The following CHCHD2 variants were observed in gnomAD, a reference collection of about 807,000 sequenced individuals.
CHCHD2 encodes coiled-coil-helix-coiled-coil-helix domain containing 2.
CHCHD2 carries 17 observed loss-of-function variants against 17.5 expected under a neutral mutation model. The ratio of observed to expected loss-of-function variants is 0.97; its 90% CI spans 0.67 to 1.46. The LOEUF is 1.46. CHCHD2 is among the 40% of genes most tolerant of loss of function. The probability of loss-of-function intolerance (pLI) is 0.00; values close to 1 mark genes in which losing one functional copy is unlikely to be tolerated. For missense variants in CHCHD2, 175 were observed against 199.9 expected, an observed-to-expected ratio of 0.88 and a Z score of 0.75; for synonymous variants, 63 against 74.3, an observed-to-expected ratio of 0.85 and a Z score of 0.78.
rs1252461520 is a variant in CHCHD2, at chr7:56,106,456, C to G, written c.-43G>C. The G allele has an allele frequency of 6.2e-6, 10 of 1,601,496 alleles. No individual in the cohort carries two copies. Among genetic ancestry groups the G allele is most frequent in the Non-Finnish European group, 8.6e-6 (10 of 1,169,204 alleles). On this transcript the variant is annotated 5_prime_UTR_variant, in exon 1 of 4. Coordinates refer to ENST00000395422, the MANE Select transcript of CHCHD2 (RefSeq NM_016139.4). ...TAGGCCTCCGGACGTGGGACAACCACCGAAGAGCTAAGCGACTTCTGAGGA... is the reference window on the plus strand; with the variant it reads ...TAGGCCTCCGGACGTGGGACAACCAGCGAAGAGCTAAGCGACTTCTGAGGA...
rs1226311511 is a variant in CHCHD2, at chr7:56,104,467, G to A, written c.59C>T (p.Pro20Leu). 3.2e-6 allele frequency: 5 copies of A among 1,572,598 alleles called. No individual in the cohort carries two copies. Among genetic ancestry groups the A allele is most frequent in the South Asian group, 1.1e-5 (1 of 87,352 alleles). Residue 20 changes from proline to leucine, a missense_variant, in exon 2 of 4, where the codon CCT becomes CTT. Physicochemically the swap from Pro to Leu is moderately conservative, Grantham distance 98. Coordinates refer to ENST00000395422, the MANE Select transcript of CHCHD2 (RefSeq NM_016139.4). ...TGGCCTGGGTGCAGCTCTCATCTGA[G>A]GGGCCCGGCTGTGAAAGAAAAGAAA... ...SRMAPPASRA[P>L]QMRAAPRPAP...
intron 3 of CHCHD2, among the ~76,000 whole-genome samples, chr7:56,102,345 CTTCT>C (rs1562887786): frequency 8.8e-6 from 1 of 113,884 alleles, no homozygotes; most frequent in Non-Finnish European, 1.8e-5. Context: ...TGATTTATAC[CTTCT>C]TTTTTTTTTT....
rs1785389968 is a variant in CHCHD2, at chr7:56,106,476, T to C, written c.-63A>G. 4 of 1,526,554 alleles carry C rather than the reference T, an allele frequency of 2.6e-6. No individual in the cohort carries two copies. The African/African-American group carries it at 5.5e-5, about 21-fold the overall frequency. The allele number at this position is 1,526,554 out of a possible 1,614,324, so 94.6% of individuals were successfully genotyped here. On this transcript the variant is annotated 5_prime_UTR_variant, in exon 1 of 4. Transcript: ENST00000395422. Reference sequence around the variant, plus strand: ...AACCACCGAAGAGCTAAGCGACTTCTGAGGAGACCGGAAGATGGGAGGCGG... The same window carrying C: ...AACCACCGAAGAGCTAAGCGACTTCCGAGGAGACCGGAAGATGGGAGGCGG...
chr7:56,104,571 G>T, intron 1 of CHCHD2, 96 bp from the exon 2 acceptor site: 4 of 1,247,512 alleles, frequency 3.2e-6, no homozygotes, highest in Non-Finnish European at 3.2e-6. Flanking sequence ...TGGACCTCAA[G>T]ATTTTCATTT....
chr7:56,102,813 G>A (rs1161120754), intron 3 of CHCHD2, 54 bp downstream of exon 3: 19 of 1,585,684 alleles, frequency 1.2e-5, no homozygotes, highest in Non-Finnish European at 1.6e-5. Context: ...AGTTCTACAG[G>A]ATCCAGGAAT....
intron 1 of CHCHD2, among the ~76,000 whole-genome samples, chr7:56,105,704 T>C (rs916082378): frequency 6.6e-6 from 1 of 152,168 alleles, no homozygotes; most frequent in African/African-American, 2.4e-5. Context: ...CGTGGTAGAA[T>C]AGCTTGAGCC....
In CHCHD2 at chr7:56,104,461, A is replaced by G. The variant is rs757118379; in HGVS notation, c.65T>C (p.Met22Thr). 2 of 1,586,342 alleles carry G rather than the reference A, an allele frequency of 1.3e-6. No homozygotes were observed. Among genetic ancestry groups the G allele is most frequent in the Non-Finnish European group, 1.7e-6 (2 of 1,160,568 alleles). Residue 22 changes from methionine to threonine, a missense_variant, in exon 2 of 4, where the codon ATG becomes ACG. By Grantham distance (81) the Met-to-Thr change is moderately conservative. Coordinates refer to ENST00000395422, the MANE Select transcript of CHCHD2 (RefSeq NM_016139.4). Reference protein sequence around the residue: ...MAPPASRAPQMRAAPRPAPVA... With the variant: ...MAPPASRAPQTRAAPRPAPVA... ...TGGTGCTGGCCTGGGTGCAGCTCTC[A>G]TCTGAGGGGCCCGGCTGTGAAAGAA...
chr7:56,104,145 C>T, intron 2 of CHCHD2, 81 bp downstream of exon 2: 2 of 1,559,410 alleles, frequency 1.3e-6, no homozygotes, highest in South Asian at 1.1e-5. Flanking sequence ...AAAGACAATT[C>T]CTACACTTAA....
At chr7:56,103,557 G>A (rs1050794063) in intron 2 of CHCHD2, among the ~76,000 whole-genome samples, 7 of 152,206 alleles carry the variant, frequency 4.6e-5, no homozygotes, top group African/African-American at 1.7e-4. Context: ...GCCTCCCAAT[G>A]TGCTGGGATT....
Position 56,104,271 on chromosome 7 carries a change from A to T in CHCHD2, c.255T>A (p.Ser85Arg), listed in dbSNP as rs182992574. 26 of 1,613,730 alleles carry T rather than the reference A, an allele frequency of 1.6e-5. No individual in the cohort carries two copies. The East Asian group carries it at 5.8e-4, about 36-fold the overall frequency. The stretch of plus-strand genomic sequence containing the variant: ...TCGCAGGCTCAGCATTACTTCCTCC[A>T]CTGAAGCCCCCAGTAATGGCGTGAC... ...TLGHAITGGF[S>R]GGSNAEPARP... The change falls in exon 2 of 4, where the codon AGT (serine) becomes AGA (arginine). Residue 85 changes from serine (S) to arginine (R), a missense_variant. Coordinates refer to ENST00000395422, the MANE Select transcript of CHCHD2 (RefSeq NM_016139.4).
intron 2 of CHCHD2, among the ~76,000 whole-genome samples, chr7:56,104,005 G>C (rs569604705): frequency 2.0e-5 from 3 of 152,206 alleles, no homozygotes; most frequent in East Asian, 1.9e-4. Flanking sequence ...GTGGACTGTT[G>C]TAAGTCTCCT....
At chr7:56,105,489 C>A (rs749278285) in intron 1 of CHCHD2, among the ~76,000 whole-genome samples, 10 of 152,318 alleles carry the variant, frequency 6.6e-5, no homozygotes, top group Middle Eastern at 3.4e-3. Flanking sequence ...AAATAATTAA[C>A]ATAGGCTGCG....
chr7:56,104,157 G>C, intron 2 of CHCHD2, 69 bp downstream of exon 2: 1 of 1,577,722 alleles, frequency 6.3e-7, no homozygotes, highest in Non-Finnish European at 8.7e-7. Context: ...TACACTTAAG[G>C]AACTTACAAA....
intron 3 of CHCHD2, among the ~76,000 whole-genome samples, chr7:56,102,092 A>G (rs1374883236): frequency 6.6e-6 from 1 of 151,726 alleles, no homozygotes; most frequent in African/African-American, 2.4e-5. Context: ...GCTGGGTTCC[A>G]GGAAGGTTAT....
chr7:56,106,367 G>C lies in CHCHD2; in HGVS notation c.47C>G (p.Ala16Gly). Residue 16 changes from alanine to glycine, a missense_variant, in exon 1 of 4, where the codon GCC becomes GGC. Transcript: ENST00000395422. ...TCAAACCCTGCGATGGTCTCACCTG[G>C]CCGGAGGGGCCATGCGGGAGGTGCG... is the stretch of plus-strand genomic sequence containing the variant. ...RSRTSRMAPP[A>G]SRAPQMRAAP... The C allele has an allele frequency of 3.7e-6, 6 of 1,613,362 alleles. No individual in the cohort carries two copies. The highest frequency in any genetic ancestry group is 5.1e-6 in the Non-Finnish European group (6 of 1,179,610).
Position 56,102,920 on chromosome 7 carries a change from A to T in CHCHD2, c.392T>A (p.Ile131Asn), listed in dbSNP as rs776341681. ...CTCATTGAAACCCTCACAGAGCTTG[A>T]TGTCACCCTGGTTCTGGGCACACTC... ...FLECAQNQGD[I>N]KLCEGFNEVL... is the part of the protein sequence containing the mutation. Residue 131 changes from isoleucine to asparagine, a missense_variant, in exon 3 of 4, where the codon ATC (isoleucine) becomes AAC (asparagine). By Grantham distance (149) the Ile-to-Asn change is moderately radical. Coordinates refer to ENST00000395422, the MANE Select transcript of CHCHD2 (RefSeq NM_016139.4). The T allele has an allele frequency of 1.6e-5, 26 of 1,613,956 alleles. No homozygotes were observed. The South Asian group carries it at 2.9e-4, about 18-fold the overall frequency.
At chr7:56,105,157 C>T (rs757507364) in intron 1 of CHCHD2, among the ~76,000 whole-genome samples, 4 of 152,096 alleles carry the variant, frequency 2.6e-5, no homozygotes, top group South Asian at 2.1e-4. Flanking sequence ...GTGATCCACC[C>T]GCCTCGACCT....
chr7:56,106,406 C>G lies in CHCHD2; in HGVS notation c.8G>C (p.Arg3Pro). 6.2e-7 allele frequency: 1 copy of G among 1,613,560 alleles called. No homozygotes were observed. The highest frequency in any genetic ancestry group is 8.5e-7 in the Non-Finnish European group (1 of 1,179,760). Residue 3 changes from arginine to proline, a missense_variant, in exon 1 of 4, where the codon CGT becomes CCT. Physicochemically the swap from Arg to Pro is moderately radical, Grantham distance 103. Coordinates refer to ENST00000395422, the MANE Select transcript of CHCHD2 (RefSeq NM_016139.4). ...GCGGGAGGTGCGGCTTCGGCTTCCACGCGGCATCCTAGGTAAGCGACGGCT... is the reference window on the plus strand; with the variant it reads ...GCGGGAGGTGCGGCTTCGGCTTCCAGGCGGCATCCTAGGTAAGCGACGGCT... The part of the protein sequence containing the change: MP[R>P]GSRSRTSRMA...
intron 1 of CHCHD2, among the ~76,000 whole-genome samples, chr7:56,104,905 C>T (rs973770829): frequency 7.3e-5 from 11 of 151,162 alleles, no homozygotes; most frequent in South Asian, 2.1e-4. Flanking sequence ...CCACCACGCA[C>T]GGCCTAATTT....
Sources: gnomAD v4.1 joint callset for allele counts (sites outside exome capture counted in the v4.1 genomes callset) on GRCh38, gnomAD v4.1.1 for gene constraint, MANE v1.5 for transcripts, NCBI Gene and HGNC (gene_info 2026-07-23, HGNC 2026-07-21) for gene names.